The following ARHGAP32 variants were observed in gnomAD, a reference collection of about 807,000 sequenced individuals.
ARHGAP32 encodes the protein Rho GTPase activating protein 32, also known as rho GTPase-activating protein 32.
A neutral mutation model predicts 186.5 loss-of-function variants in ARHGAP32; 51 were observed. The ratio of observed to expected loss-of-function variants is 0.27; its 90% confidence interval spans 0.22 to 0.35. The LOEUF (loss-of-function observed/expected upper bound fraction) is 0.35. ARHGAP32 is among the 10% of genes least tolerant of loss of function. The probability of loss-of-function intolerance (pLI) is 1.00; values close to 1 mark genes in which losing one functional copy is unlikely to be tolerated. For synonymous variants in ARHGAP32, 950 were observed against 964.3 expected, an observed-to-expected ratio of 0.99 and a Z score of 0.27; for missense variants, 2,186 against 2,623.5, an observed-to-expected ratio of 0.83 and a Z score of 3.64.
rs547144999 is a variant in ARHGAP32, at chr11:129,233,205, GATGAT to G, written c.-5+45936_-5+45940del. ...AGAGATGTGCACTGAAATAGCAACAGATGATATGATGTCAGGGATTGGCTTTGAAA... is the reference window on the plus strand; with the variant it reads ...AGAGATGTGCACTGAAATAGCAACAGATGATGTCAGGGATTGGCTTTGAAA... On this transcript the variant is annotated intron_variant, in intron 1 of 6. Coordinates refer to the ARHGAP32 transcript ENST00000525234. Among the ~76,000 whole-genome samples, 35 of 152,226 alleles carry G rather than the reference GATGAT, an allele frequency of 2.3e-4. 1 individual carries two copies. Among genetic ancestry groups the G allele is most frequent in the African/African-American group, 8.4e-4 (35 of 41,534 alleles).
At chr11:128,982,474 C>CGTGTGTGTGTGTGTGTGTGT (rs60379183) in intron 15 of ARHGAP32, among the ~76,000 whole-genome samples, 20 of 147,362 alleles carry the variant, frequency 1.4e-4, no homozygotes, top group Non-Finnish European at 1.9e-4. Context: ...AGGTAAGTGC[C>CGTGTGTGTGTGTGTGTGTGT]GTGTGTGTGT....
At position 129,066,771 on chromosome 11, in the gene ARHGAP32, G is replaced by A. The variant is rs968211015; in HGVS notation, c.629C>T (p.Ser210Leu). The A allele has an allele frequency of 2.5e-6, 4 of 1,612,344 alleles. No individual in the cohort carries two copies. The highest frequency in any genetic ancestry group is 3.4e-6 in the Non-Finnish European group (4 of 1,178,986). ...CAGGGTGTCAGAACGGGGAAGTTCT[G>A]AGAGCTGGGAAAATCTTCGGTCATA... Reference protein sequence around the residue: ...CIYDRRFSQLSELPRSDTLKD... With the variant: ...CIYDRRFSQLLELPRSDTLKD... The change falls in exon 7 of 23, where the codon TCA becomes TTA. Residue 210 changes from serine to leucine, a missense_variant. By Grantham distance (145) the Ser-to-Leu change is moderately radical. This residue lies in a region of ARHGAP32 where 308 missense variants were observed against 596.5 expected (regional missense o/e 0.52). Coordinates refer to ENST00000682385, the MANE Select transcript of ARHGAP32 (RefSeq NM_001378024.1).
intron 5 of ARHGAP32, among the ~76,000 whole-genome samples, chr11:129,094,198 T>C (rs904862067): frequency 1.3e-5 from 2 of 152,102 alleles, no homozygotes; most frequent in African/African-American, 2.4e-5. Context: ...TTAATAATAA[T>C]TGTACAGTTT....
chr11:129,106,846 A>G (rs1369891524), intron 5 of ARHGAP32, among the ~76,000 whole-genome samples: 2 of 152,170 alleles, frequency 1.3e-5, no homozygotes, highest in Non-Finnish European at 2.9e-5. Flanking sequence ...AACCTATGAG[A>G]CCCATCAAGT....
intron 2 of ARHGAP32, among the ~76,000 whole-genome samples, chr11:129,135,023 A>T (rs1219784447): frequency 1.3e-5 from 2 of 152,306 alleles, no homozygotes; most frequent in South Asian, 4.1e-4. Flanking sequence ...TACACTAAAA[A>T]CTACAAACAT....
At chr11:129,097,041 C>T (rs1158177390) in intron 5 of ARHGAP32, among the ~76,000 whole-genome samples, 1 of 151,874 alleles carries the variant, frequency 6.6e-6, no homozygotes, top group Non-Finnish European at 1.5e-5. Flanking sequence ...ATAAAAACAG[C>T]AGTCCCTGGG....
intron 1 of ARHGAP32, among the ~76,000 whole-genome samples, chr11:129,252,191 T>C (rs1397754702): frequency 6.6e-6 from 1 of 152,176 alleles, no homozygotes; most frequent in Non-Finnish European, 1.5e-5. Context: ...CTTACACTAA[T>C]TGGTTTATTT....
intron 10 of ARHGAP32, among the ~76,000 whole-genome samples, chr11:129,053,043 A>G (rs536963060): frequency 5.7e-4 from 87 of 152,210 alleles, no homozygotes; most frequent in African/African-American, 2.0e-3. Flanking sequence ...AAACCTGCAC[A>G]TTGTGCACAT....
intron 5 of ARHGAP32, among the ~76,000 whole-genome samples, chr11:129,119,552 T>C (rs926879807): frequency 3.9e-5 from 6 of 152,088 alleles, no homozygotes; most frequent in Non-Finnish European, 7.4e-5. Flanking sequence ...CAAATATTTA[T>C]TGAGTAGTTT....
In ARHGAP32 at chr11:129,192,131, A is replaced by G. The variant is rs748226679; in HGVS notation, c.68T>C (p.Ile23Thr). The stretch of plus-strand genomic sequence containing the variant: ...CTCTTCACAGTCAGTCACCTGGATT[A>G]TAACTTCAGACTCCAACCAGAAGAC... The part of the protein sequence containing the change: ...DSVFWLESEV[I>T]IQVTDCEEEE... The change falls in exon 1 of 23, where the codon ATA becomes ACA. Residue 23 changes from isoleucine to threonine, a missense_variant. Physicochemically the swap from Ile to Thr is moderately conservative, Grantham distance 89. Coordinates refer to ENST00000682385, the MANE Select transcript of ARHGAP32 (RefSeq NM_001378024.1). 1.2e-6 allele frequency: 2 copies of G among 1,613,904 alleles called. No homozygotes were observed. The highest frequency in any genetic ancestry group is 2.2e-5 in the South Asian group (2 of 91,082).
intron 11 of ARHGAP32, among the ~76,000 whole-genome samples, chr11:129,022,452 A>G (rs1938638268): frequency 1.3e-5 from 2 of 152,132 alleles, no homozygotes; most frequent in African/African-American, 4.8e-5. Context: ...TTCTTGTTAA[A>G]GAAATAGGCT....
intron 1 of ARHGAP32, among the ~76,000 whole-genome samples, chr11:129,176,774 C>T (rs1040253126): frequency 3.3e-5 from 5 of 150,922 alleles, no homozygotes; most frequent in Admixed American, 6.6e-5. Flanking sequence ...ATCTCTGGGA[C>T]GCATTCAAAG....
intron 10 of ARHGAP32, among the ~76,000 whole-genome samples, chr11:129,053,396 T>G (rs998612124): frequency 3.3e-5 from 5 of 152,126 alleles, no homozygotes; most frequent in South Asian, 2.1e-4. Flanking sequence ...ACAGAAAAAT[T>G]TATCTAAATT....
rs1018559866 is a variant in ARHGAP32 at position 128,970,417 on chromosome 11, G to T, written c.4796C>A (p.Ser1599Tyr). Residue 1599 changes from serine (S) to tyrosine (Y), a missense_variant, in exon 23 of 23, where the codon TCT becomes TAT. This residue lies in a region of ARHGAP32 where 1,502 missense variants were observed against 1,570.0 expected (regional missense o/e 0.96). Coordinates refer to ENST00000682385, the MANE Select transcript of ARHGAP32 (RefSeq NM_001378024.1). This position sits in a 1 kb window ranked among gnomAD's most constrained non-coding sequence, Gnocchi z 5.8. ...CATGGAAGACGGCGGAGCATGGAGAGACTGCACTCTCCGGATGGTAGGGTA... is the reference window on the plus strand; with the variant it reads ...CATGGAAGACGGCGGAGCATGGAGATACTGCACTCTCCGGATGGTAGGGTA... ...PPYPTIRRVQ[S>Y]LHAPPSSMIR... 2 of 1,614,138 alleles carry T rather than the reference G, an allele frequency of 1.2e-6. No individual in the cohort carries two copies. The highest frequency in any genetic ancestry group is 2.7e-5 in the African/African-American group (2 of 75,026).
At chr11:129,044,807 C>T (rs1268308045) in intron 10 of ARHGAP32, among the ~76,000 whole-genome samples, 5 of 151,796 alleles carry the variant, frequency 3.3e-5, no homozygotes, top group African/African-American at 7.3e-5. Flanking sequence ...TAATTTGTAA[C>T]GTTAGGGATA....
chr11:129,184,450 A>G (rs994440024), intron 1 of ARHGAP32, among the ~76,000 whole-genome samples: 3 of 152,176 alleles, frequency 2.0e-5, no homozygotes, highest in African/African-American at 7.2e-5. Flanking sequence ...GTATGTATCT[A>G]TACGTGAAGA....
Position 128,974,502 on chromosome 11 carries a change from C to T in ARHGAP32, c.2695G>A (p.Glu899Lys), listed in dbSNP as rs1327215289. 1 of 1,614,146 alleles carries T rather than the reference C, an allele frequency of 6.2e-7. No homozygotes were observed. Among genetic ancestry groups the T allele is most frequent in the Non-Finnish European group, 8.5e-7 (1 of 1,180,026 alleles). The part of the protein sequence containing the change: ...DKSSKPSSFT[E>K]KVVYAFSPKI... Reference sequence around the variant, plus strand: ...GGAGAGAAAGCATAGACGACCTTTTCAGTAAAGGAGGATGGCTTAGATGAT... The same window carrying T: ...GGAGAGAAAGCATAGACGACCTTTTTAGTAAAGGAGGATGGCTTAGATGAT... Residue 899 changes from glutamate to lysine, a missense_variant, in exon 21 of 23, where the codon GAA (glutamate) becomes AAA (lysine). Around this residue, in one of 5 missense-constraint regions of ARHGAP32, gnomAD observed 1,502 missense variants for 1,570.0 expected, o/e 0.96. Transcript: ENST00000682385.
intron 11 of ARHGAP32, among the ~76,000 whole-genome samples, chr11:129,028,146 T>C (rs1283525690): frequency 6.6e-6 from 1 of 152,178 alleles, no homozygotes; most frequent in East Asian, 1.9e-4. Flanking sequence ...AAATACAACA[T>C]CTGCCAACAA....
intron 6 of ARHGAP32, among the ~76,000 whole-genome samples, chr11:129,091,095 T>C (rs1941565925): frequency 6.6e-6 from 1 of 151,684 alleles, no homozygotes; most frequent in South Asian, 2.1e-4. Context: ...AGGGAGGGAG[T>C]TGTGGGCTCA....
Sources: allele counts gnomAD v4.1 joint callset (sites outside exome capture counted in the v4.1 genomes callset), GRCh38; gene constraint gnomAD v4.1.1; regional missense constraint gnomAD v4.1.1; non-coding constraint Gnocchi (gnomAD v3.1); transcripts MANE v1.5; gene names NCBI Gene and HGNC (gene_info 2026-07-23, HGNC 2026-07-21).